The following GABRP variants were observed in gnomAD, a reference collection of about 807,000 sequenced individuals.
The protein encoded by GABRP is gamma-aminobutyric acid receptor subunit pi.
Under a neutral mutation model 47.8 loss-of-function variants are expected in GABRP, and 52 were observed. The observed-to-expected ratio is 1.09, with a 90% CI of 0.87 to 1.37. The LOEUF is 1.37. GABRP is among the 40% of genes most tolerant of loss of function. The pLI, the probability that GABRP is intolerant of heterozygous loss-of-function variation, is 0.00. For missense variants in GABRP, 525 were observed against 542.8 expected, an observed-to-expected ratio of 0.97 and a Z score of 0.33; for synonymous variants, 221 against 205.8, an observed-to-expected ratio of 1.07 and a Z score of -0.63.
intron 7 of GABRP, among the ~76,000 whole-genome samples, chr5:170,807,861 C>T (rs1765778103): frequency 6.6e-6 from 1 of 152,002 alleles, no homozygotes; most frequent in Non-Finnish European, 1.5e-5. Context: ...TGTTTTTCCC[C>T]AACAACAATC....
intron 1 of GABRP, among the ~76,000 whole-genome samples, chr5:170,786,255 G>A (rs1765128919): frequency 6.6e-6 from 1 of 152,200 alleles, no homozygotes. Flanking sequence ...GGATTGGGGA[G>A]ATGGACTAAA....
At chr5:170,802,852 C>G (rs1014126950) in intron 6 of GABRP, among the ~76,000 whole-genome samples, 1 of 133,614 alleles carries the variant, frequency 7.5e-6, no homozygotes, top group Middle Eastern at 3.4e-3. Context: ...CCCCAGTGAG[C>G]GGAGGGAGCT....
chr5:170,812,194 T>C lies in GABRP; in HGVS notation c.1259T>C (p.Leu420Pro). 1 of 1,613,960 alleles carries C rather than the reference T, an allele frequency of 6.2e-7. No homozygotes were observed. The highest frequency in any genetic ancestry group is 8.5e-7 in the Non-Finnish European group (1 of 1,179,856). Residue 420 changes from leucine (L) to proline (P), a missense_variant, in exon 10 of 10, where the codon CTA becomes CCA. Coordinates refer to ENST00000265294, the MANE Select transcript of GABRP (RefSeq NM_014211.3). The part of the protein sequence containing the change: ...NPSNVDHYSK[L>P]LFPLIFMLAN... ...AGTAATGTTGATCACTATTCCAAAC[T>C]ACTGTTTCCTTTGATTTTTATGCTA...
intron 3 of GABRP, among the ~76,000 whole-genome samples, chr5:170,793,185 C>T (rs939816692): frequency 1.3e-5 from 2 of 152,186 alleles, no homozygotes; most frequent in African/African-American, 4.8e-5. Flanking sequence ...TAGCCCTTCC[C>T]ATGACCCTGT....
At chr5:170,795,176 A>G in intron 4 of GABRP, 32 bp from the exon 5 acceptor site, 1 of 1,514,164 alleles carries the variant, frequency 6.6e-7, no homozygotes, top group Non-Finnish European at 9.2e-7. Context: ...CACTACCCCC[A>G]TCCATTTCCA....
In GABRP at chr5:170,795,285, T is replaced by G; in HGVS notation, c.318T>G (p.Thr106=). Residue 106 remains threonine, a synonymous_variant, in exon 5 of 10, where the codon ACT becomes ACG. Coordinates refer to ENST00000265294, the MANE Select transcript of GABRP (RefSeq NM_014211.3). ...RLVFEGNKSF[T]LDARLVEFLW... is the part of the protein sequence containing the mutation. ...TGTTTGAAGGCAACAAGAGCTTCACTCTGGATGCCCGCCTCGTGGAGTTCC... is the reference window on the plus strand; with the variant it reads ...TGTTTGAAGGCAACAAGAGCTTCACGCTGGATGCCCGCCTCGTGGAGTTCC... 1 of 1,613,810 alleles carries G rather than the reference T, an allele frequency of 6.2e-7. No individual in the cohort carries two copies. Among genetic ancestry groups the G allele is most frequent in the Non-Finnish European group, 8.5e-7 (1 of 1,179,960 alleles).
At chr5:170,790,052 C>T (rs538463451) in intron 3 of GABRP, among the ~76,000 whole-genome samples, 2 of 152,276 alleles carry the variant, frequency 1.3e-5, no homozygotes, top group South Asian at 2.1e-4. Flanking sequence ...ATGTCTGTCC[C>T]GGCTCCAGGC....
intron 3 of GABRP, among the ~76,000 whole-genome samples, chr5:170,789,571 C>T (rs1765212001): frequency 6.6e-6 from 1 of 152,168 alleles, no homozygotes; most frequent in Admixed American, 6.5e-5. Flanking sequence ...ACCAGGCTAC[C>T]CCATCTGGTC....
At chr5:170,802,721 T>C (rs928057046) in intron 6 of GABRP, among the ~76,000 whole-genome samples, 2 of 150,798 alleles carry the variant, frequency 1.3e-5, no homozygotes, top group Admixed American at 6.6e-5. Flanking sequence ...AGCCTCTGTT[T>C]CACATATACC....
At chr5:170,787,619 G>T (rs866701040) in intron 1 of GABRP, among the ~76,000 whole-genome samples, 1 of 152,202 alleles carries the variant, frequency 6.6e-6, no homozygotes, top group African/African-American at 2.4e-5. Flanking sequence ...GAGTACCGGG[G>T]GGGAGGCAGC....
chr5:170,795,265 G>T lies in GABRP; in HGVS notation c.298G>T (p.Glu100Ter). The T allele has an allele frequency of 6.2e-7, 1 of 1,613,744 alleles. No individual in the cohort carries two copies. Among genetic ancestry groups the T allele is most frequent in the Non-Finnish European group, 8.5e-7 (1 of 1,179,928 alleles). The change falls in exon 5 of 10, where the codon GAA becomes TAA. Residue 100 changes from glutamate to a stop codon, truncating the protein, a stop_gained. Coordinates refer to ENST00000265294, the MANE Select transcript of GABRP (RefSeq NM_014211.3). LOFTEE classifies it high-confidence loss of function. ...CTGGATGGACCAGCGGCTGGTGTTT[G>T]AAGGCAACAAGAGCTTCACTCTGGA... ...QRWMDQRLVF[E>*]GNKSFTLDAR...
chr5:170,801,943 G>A (rs1765605874), intron 6 of GABRP, among the ~76,000 whole-genome samples: 1 of 152,132 alleles, frequency 6.6e-6, no homozygotes, highest in African/African-American at 2.4e-5. Context: ...GACAAGGAGT[G>A]GGACTCAGAA....
intron 1 of GABRP, among the ~76,000 whole-genome samples, chr5:170,787,476 C>G (rs145100055): frequency 1.2e-4 from 18 of 152,300 alleles, no homozygotes; most frequent in African/African-American, 3.1e-4. Context: ...GGGCCATGCC[C>G]CACGGATGGT....
chr5:170,804,336 GTCTT>G (rs957064899), intron 6 of GABRP, among the ~76,000 whole-genome samples: 3 of 152,098 alleles, frequency 2.0e-5, no homozygotes, highest in Non-Finnish European at 4.4e-5. Flanking sequence ...TGGTGTGTGA[GTCTT>G]TCTGTGGACA....
rs1013154290 is a variant in GABRP at position 170,812,510 on chromosome 5, G to A, written c.*252G>A. 5 of 441,716 alleles carry A rather than the reference G, an allele frequency of 1.1e-5. No homozygotes were observed. The highest frequency in any genetic ancestry group is 2.0e-5 in the Non-Finnish European group (5 of 245,722). The allele number at this position is 441,716 out of a possible 1,614,324, so 27.4% of individuals were successfully genotyped here. On this transcript the variant is annotated 3_prime_UTR_variant, in exon 10 of 10. Coordinates refer to ENST00000265294, the MANE Select transcript of GABRP (RefSeq NM_014211.3). The stretch of plus-strand genomic sequence containing the variant: ...CATCTTAATCAAGGACATTCCCATG[G>A]AGCCCAAGATTACAAATGTACTCAG...
At chr5:170,808,876 CT>C (rs1765808064) in intron 8 of GABRP, 124 bp downstream of exon 8, 1 of 774,666 alleles carries the variant, frequency 1.3e-6, no homozygotes, top group African/African-American at 1.7e-5. Flanking sequence ...TTGGGAGATT[CT>C]TTTACAGAGA....
chr5:170,784,076 C>A (rs917569320), intron 1 of GABRP, among the ~76,000 whole-genome samples: 1 of 152,220 alleles, frequency 6.6e-6, no homozygotes, highest in Non-Finnish European at 1.5e-5. Context: ...CAGTCATTCA[C>A]CCCTGTGCAG....
At chr5:170,793,020 C>T (rs557933342) in intron 3 of GABRP, among the ~76,000 whole-genome samples, 5 of 152,202 alleles carry the variant, frequency 3.3e-5, no homozygotes, top group South Asian at 2.1e-4. Context: ...CATTATTGAG[C>T]GCCTATTATT....
At chr5:170,805,985 C>T (rs1306681039) in intron 7 of GABRP, 132 bp downstream of exon 7, 19 of 957,426 alleles carry the variant, frequency 2.0e-5, no homozygotes, top group Non-Finnish European at 2.6e-5. Context: ...AGGGTTTGTG[C>T]TGAGCAATTC....
Sources: gnomAD v4.1 joint callset for allele counts (sites outside exome capture counted in the v4.1 genomes callset) on GRCh38, gnomAD v4.1.1 for gene constraint, MANE v1.5 for transcripts, NCBI Gene and HGNC (gene_info 2026-07-23, HGNC 2026-07-21) for gene names.